The following RBMS3 variants were observed in gnomAD, a reference collection of about 807,000 sequenced individuals.
The protein encoded by RBMS3 is RNA-binding motif, single-stranded-interacting protein 3.
In RBMS3, 27 loss-of-function variants were observed where a neutral mutation model predicts 66.8. The observed-to-expected ratio is 0.40, with a 90% CI of 0.30 to 0.56. The LOEUF (loss-of-function observed/expected upper bound fraction) is 0.56. RBMS3 is among the 20% of genes least tolerant of loss of function. The probability of loss-of-function intolerance (pLI) is 0.40; values close to 1 mark genes in which losing one functional copy is unlikely to be tolerated. For synonymous variants in RBMS3, 188 were observed against 183.0 expected (o/e 1.03, Z -0.22); for missense variants, 513 against 549.5 (o/e 0.93, Z 0.66).
chr3:29,836,046 C>T (rs941208651), intron 6 of RBMS3, among the ~76,000 whole-genome samples: 4 of 151,736 alleles, frequency 2.6e-5, no homozygotes, highest in Admixed American at 1.3e-4. Context: ...AAACAAACAA[C>T]CTACAAAGTC....
At chr3:29,972,804 G>C (rs544215584) in intron 12 of RBMS3, among the ~76,000 whole-genome samples, 61 of 150,850 alleles carry the variant, frequency 4.0e-4, no homozygotes, top group South Asian at 1.7e-3. Flanking sequence ...TTTCTCTTTG[G>C]CTAAAGCATC....
intron 3 of RBMS3, among the ~76,000 whole-genome samples, chr3:29,550,703 T>G (rs2046153419): frequency 6.6e-6 from 1 of 152,194 alleles, no homozygotes; most frequent in South Asian, 2.1e-4. Flanking sequence ...CACAAAATTT[T>G]TTTGGTGTTT....
intron 2 of RBMS3, among the ~76,000 whole-genome samples, chr3:29,450,776 A>G (rs1212274922): frequency 6.6e-6 from 1 of 152,128 alleles, no homozygotes; most frequent in African/African-American, 2.4e-5. Context: ...TTATGAAGGA[A>G]TAAGGGAAGC....
intron 1 of RBMS3, among the ~76,000 whole-genome samples, chr3:29,320,809 A>T (rs1249507488): frequency 1.3e-5 from 2 of 152,016 alleles, no homozygotes; most frequent in Non-Finnish European, 2.9e-5. Flanking sequence ...AAATGCAGAT[A>T]AAAATACTCC....
At chr3:29,491,426 C>T (rs762755914) in intron 3 of RBMS3, among the ~76,000 whole-genome samples, 1 of 152,142 alleles carries the variant, frequency 6.6e-6, no homozygotes, top group African/African-American at 2.4e-5. Context: ...GAATTTACAT[C>T]TCTCTTTGTT....
Position 29,988,230 on chromosome 3 carries a change from C to CT in RBMS3, c.1179+8dup, listed in dbSNP as rs772302751. On this transcript the variant is annotated splice_region_variant and intron_variant, in intron 13 of 14. Coordinates refer to ENST00000383767, the MANE Select transcript of RBMS3 (RefSeq NM_001003793.3). ...GACAGCTGTTTCTATTGAAGTAAGT[C>CT]TACCCCTGTCTAATAAAGAGGTTAG... 6.3e-7 allele frequency: 1 copy of CT among 1,589,030 alleles called. No homozygotes were observed. Among genetic ancestry groups the CT allele is most frequent in the Non-Finnish European group, 8.6e-7 (1 of 1,158,124 alleles).
chr3:29,891,204 C>T (rs1263245748), intron 8 of RBMS3, among the ~76,000 whole-genome samples: 1 of 151,496 alleles, frequency 6.6e-6, no homozygotes, highest in Non-Finnish European at 1.5e-5. Context: ...TAAAGGCCCC[C>T]GAAGTTAGCT....
intron 4 of RBMS3, chr3:29,697,086 G>A (rs537490456): frequency 2.0e-6 from 2 of 985,326 alleles, no homozygotes; most frequent in Non-Finnish European, 2.4e-6. Context: ...GCTCAGCATG[G>A]TAAGGACAAG....
At chr3:29,368,449 G>A (rs935151119) in intron 1 of RBMS3, among the ~76,000 whole-genome samples, 5 of 151,940 alleles carry the variant, frequency 3.3e-5, no homozygotes, top group African/African-American at 1.2e-4. Context: ...GTATCTAGTG[G>A]CACTTAATAG....
intron 3 of RBMS3, among the ~76,000 whole-genome samples, chr3:29,560,085 CA>C (rs1323776965): frequency 6.6e-6 from 1 of 151,960 alleles, no homozygotes; most frequent in African/African-American, 2.4e-5. Flanking sequence ...TAAATTTAAC[CA>C]AGAGTGATAA....
chr3:29,371,890 T>C (rs1366597539), intron 1 of RBMS3, among the ~76,000 whole-genome samples: 2 of 152,188 alleles, frequency 1.3e-5, no homozygotes, highest in African/African-American at 2.4e-5. Flanking sequence ...TTTTTCCATA[T>C]CCTCGTCACC....
chr3:29,587,246 T>G lies in RBMS3; in HGVS notation c.399+41T>G, dbSNP rs773728419. On this transcript the variant is annotated intron_variant, in intron 4 of 14. Transcript: ENST00000383767. ...AGGGGTGTTTTTTTTTTTTTTTTTT[T>G]TTTGTGTGTGTGTGTGTGTGTGTGT... 2,240 of 776,076 alleles carry G rather than the reference T, an allele frequency of 2.9e-3. 57 individuals carry two copies. The African/African-American group carries it at 0.044, about 15-fold the overall frequency. 48.1% of individuals were successfully genotyped at this position (776,076 alleles called of 1,614,324 possible).
At chr3:29,710,182 A>G (rs2053103733) in intron 4 of RBMS3, among the ~76,000 whole-genome samples, 1 of 152,096 alleles carries the variant, frequency 6.6e-6, no homozygotes, top group African/African-American at 2.4e-5. Context: ...AGTTTTTTTG[A>G]TTTGCCTTTT....
At chr3:29,368,080 C>G (rs1012331888) in intron 1 of RBMS3, among the ~76,000 whole-genome samples, 1 of 152,170 alleles carries the variant, frequency 6.6e-6, no homozygotes, top group African/African-American at 2.4e-5. Context: ...CATTAGTAGT[C>G]AGATAATTGT....
At chr3:29,861,744 T>C (rs921662555) in intron 6 of RBMS3, among the ~76,000 whole-genome samples, 6 of 152,240 alleles carry the variant, frequency 3.9e-5, no homozygotes, top group Non-Finnish European at 4.4e-5. Context: ...TATCAGTTTA[T>C]GCATTGTATG....
chr3:29,353,772 C>G (rs2037059313), intron 1 of RBMS3, among the ~76,000 whole-genome samples: 1 of 152,042 alleles, frequency 6.6e-6, no homozygotes, highest in Non-Finnish European at 1.5e-5. Flanking sequence ...ATATGGACTT[C>G]TATGAGATCC....
chr3:29,397,523 C>A (rs2039606719), intron 1 of RBMS3, among the ~76,000 whole-genome samples: 1 of 152,056 alleles, frequency 6.6e-6, no homozygotes, highest in African/African-American at 2.4e-5. Context: ...CAATATAATA[C>A]CTATCCTTGG....
chr3:29,389,904 G>A (rs1235444510), intron 1 of RBMS3, among the ~76,000 whole-genome samples: 1 of 152,126 alleles, frequency 6.6e-6, no homozygotes, highest in African/African-American at 2.4e-5. Context: ...TAGAAATAGG[G>A]AATGGGGCGG....
intron 1 of RBMS3, among the ~76,000 whole-genome samples, chr3:29,404,059 G>A (rs35747396): frequency 0.17 from 26,220 of 152,112 alleles, 2,773 homozygotes; most frequent in Non-Finnish European, 0.24. Flanking sequence ...AAGGGCTGAT[G>A]TCCAGCAGTG....
Sources: allele counts gnomAD v4.1 joint callset (sites outside exome capture counted in the v4.1 genomes callset), GRCh38; gene constraint gnomAD v4.1.1; transcripts MANE v1.5; gene names NCBI Gene and HGNC (gene_info 2026-07-23, HGNC 2026-07-21).